Variants in CCDC60 observed in about 807,000 individuals in gnomAD.
The protein encoded by CCDC60 is coiled-coil domain-containing protein 60.
Under a neutral mutation model 63.5 loss-of-function variants are expected in CCDC60, and 54 were observed. That is an observed-to-expected ratio of 0.85 (90% CI 0.68 to 1.07). The LOEUF (loss-of-function observed/expected upper bound fraction) is 1.07, where lower values mean the gene tolerates loss of function less well. Among genes scored for constraint, CCDC60 ranks in the 50% least tolerant of loss-of-function variants. The pLI is 0.00. For synonymous variants in CCDC60, 206 were observed against 238.8 expected (o/e 0.86, Z 1.27); for missense variants, 651 against 684.3 (o/e 0.95, Z 0.54).
At chr12:119,349,636 G>A (rs1215260373) in intron 1 of CCDC60, among the ~76,000 whole-genome samples, 1 of 152,048 alleles carries the variant, frequency 6.6e-6, no homozygotes, top group African/African-American at 2.4e-5. Context: ...ACTGCGCCTG[G>A]CCCAGGGCGT....
At chr12:119,376,363 C>T (rs921543352) in intron 1 of CCDC60, among the ~76,000 whole-genome samples, 2 of 152,206 alleles carry the variant, frequency 1.3e-5, no homozygotes, top group Admixed American at 6.5e-5. Context: ...GGCAGTGGCT[C>T]ATGCCTGTAA....
At chr12:119,494,705 GC>G (rs35131732) in intron 5 of CCDC60, among the ~76,000 whole-genome samples, 16,696 of 152,114 alleles carry the variant, frequency 0.11, 1,322 homozygotes, top group Non-Finnish European at 0.16. Context: ...CATCAGCCAG[GC>G]GTGGTGGCTC....
chr12:119,343,960 C>A (rs1305655925), intron 1 of CCDC60, among the ~76,000 whole-genome samples: 1 of 152,106 alleles, frequency 6.6e-6, no homozygotes, highest in Non-Finnish European at 1.5e-5. Flanking sequence ...TTCTCCATAC[C>A]CAAAGTTACC....
At chr12:119,380,933 C>G (rs1191298561) in intron 1 of CCDC60, among the ~76,000 whole-genome samples, 1 of 152,120 alleles carries the variant, frequency 6.6e-6, no homozygotes, top group Non-Finnish European at 1.5e-5. Flanking sequence ...TATCACGTTT[C>G]TAAAATGAGC....
intron 5 of CCDC60, among the ~76,000 whole-genome samples, chr12:119,492,018 T>C (rs980864919): frequency 6.6e-6 from 1 of 152,202 alleles, no homozygotes; most frequent in African/African-American, 2.4e-5. Context: ...TGTTCTACCA[T>C]GACTTGTAGT....
At chr12:119,452,129 A>T (rs1950645292) in intron 2 of CCDC60, among the ~76,000 whole-genome samples, 1 of 152,162 alleles carries the variant, frequency 6.6e-6, no homozygotes, top group African/African-American at 2.4e-5. Flanking sequence ...TTGCATAGAG[A>T]TATAGCTTTT....
At chr12:119,436,464 G>A (rs1049975151) in intron 2 of CCDC60, among the ~76,000 whole-genome samples, 3 of 151,856 alleles carry the variant, frequency 2.0e-5, no homozygotes, top group Non-Finnish European at 2.9e-5. Context: ...AGGAAAGATG[G>A]AGAAGAAGCC....
chr12:119,462,693 C>A (rs1395263034), intron 2 of CCDC60, among the ~76,000 whole-genome samples: 6 of 152,152 alleles, frequency 3.9e-5, no homozygotes, highest in African/African-American at 1.2e-4. Flanking sequence ...ATGGTCATAG[C>A]TTACTGCATC....
At position 119,423,604 on chromosome 12, in the gene CCDC60, A is replaced by C. The variant is rs116698248; in HGVS notation, c.91-5079A>C. On this transcript the variant is annotated intron_variant, in intron 1 of 13. Transcript: ENST00000327554. ...CTCTAGCTAAAACTACATCTCCTCCATGAGTCTAGCTTATGCCAAGTGGCC... is the reference window on the plus strand; with the variant it reads ...CTCTAGCTAAAACTACATCTCCTCCCTGAGTCTAGCTTATGCCAAGTGGCC... Among the ~76,000 whole-genome samples, 895 of 152,316 alleles carry C rather than the reference A, an allele frequency of 5.9e-3. 8 individuals are homozygous for C. The highest frequency in any genetic ancestry group is 0.021 in the African/African-American group (862 of 41,580).
intron 1 of CCDC60, among the ~76,000 whole-genome samples, chr12:119,339,806 T>TC (rs1234598808): frequency 1.3e-5 from 2 of 152,152 alleles, no homozygotes; most frequent in Admixed American, 6.5e-5. Context: ...AGATCCTGTC[T>TC]CAATAAATCA....
chr12:119,374,406 C>T (rs1398897098), intron 1 of CCDC60, among the ~76,000 whole-genome samples: 1 of 152,108 alleles, frequency 6.6e-6, no homozygotes, highest in East Asian at 1.9e-4. Context: ...CTGACTTGCT[C>T]AACTTCAGAG....
At chr12:119,501,941 C>G (rs968935402) in intron 6 of CCDC60, among the ~76,000 whole-genome samples, 2 of 152,148 alleles carry the variant, frequency 1.3e-5, no homozygotes, top group African/African-American at 4.8e-5. Context: ...AAATCCTTTC[C>G]CCTGTTCTGG....
intron 6 of CCDC60, among the ~76,000 whole-genome samples, chr12:119,502,939 C>A (rs1169380391): frequency 6.6e-6 from 1 of 152,110 alleles, no homozygotes; most frequent in African/African-American, 2.4e-5. Context: ...GAGACCAAGG[C>A]GGGCAGATTG....
chr12:119,386,828 C>A (rs1209228605), intron 1 of CCDC60, among the ~76,000 whole-genome samples: 1 of 152,160 alleles, frequency 6.6e-6, no homozygotes, highest in Admixed American at 6.5e-5. Context: ...ACCAACCGAG[C>A]ATTGCGAGGA....
At chr12:119,507,447 T>C (rs896761049) in intron 7 of CCDC60, among the ~76,000 whole-genome samples, 37 of 146,170 alleles carry the variant, frequency 2.5e-4, no homozygotes, top group Non-Finnish European at 9.0e-5. Context: ...TATACACATA[T>C]ATATACATAT....
chr12:119,425,110 G>A (rs888644245), intron 1 of CCDC60, among the ~76,000 whole-genome samples: 2 of 152,192 alleles, frequency 1.3e-5, no homozygotes, highest in East Asian at 1.9e-4. Flanking sequence ...AGACATGACC[G>A]TGGCATAAAA....
At chr12:119,341,553 AAAT>A (rs1269640700) in intron 1 of CCDC60, among the ~76,000 whole-genome samples, 1 of 152,220 alleles carries the variant, frequency 6.6e-6, no homozygotes, top group African/African-American at 2.4e-5. Context: ...GGATTAAATA[AAAT>A]AATGCATGTG....
At chr12:119,403,881 A>C (rs1039037115) in intron 1 of CCDC60, among the ~76,000 whole-genome samples, 1 of 152,226 alleles carries the variant, frequency 6.6e-6, no homozygotes, top group South Asian at 2.1e-4. Context: ...TATGGCATAC[A>C]ACGTGATGTT....
chr12:119,528,796 G>A, intron 12 of CCDC60, 50 bp downstream of exon 12: 5 of 1,566,994 alleles, frequency 3.2e-6, no homozygotes, highest in Non-Finnish European at 4.3e-6. Context: ...AGAACAGGGT[G>A]TTGTTATTAC....
Sources: gnomAD v4.1 joint callset for allele counts (sites outside exome capture counted in the v4.1 genomes callset) on GRCh38, gnomAD v4.1.1 for gene constraint, MANE v1.5 for transcripts, NCBI Gene and HGNC (gene_info 2026-07-23, HGNC 2026-07-21) for gene names.